IL20RA: variants seen among roughly 807,000 people sequenced by gnomAD.
IL20RA encodes interleukin 20 receptor subunit alpha, also known as interleukin-20 receptor subunit alpha.
IL20RA carries 29 observed loss-of-function variants against 36.5 expected under a neutral mutation model. The ratio of observed to expected loss-of-function variants is 0.79; its 90% CI spans 0.59 to 1.08. The LOEUF (loss-of-function observed/expected upper bound fraction) is 1.08. Ranked by LOEUF, IL20RA falls within the 50% of genes least tolerant of loss-of-function variation. IL20RA has a pLI of 0.00. For missense variants in IL20RA, 652 were observed against 668.4 expected (o/e 0.98, Z 0.27); for synonymous variants, 279 against 267.1 (o/e 1.04, Z -0.43).
chr6:137,004,563 T>C, intron 6 of IL20RA, 58 bp downstream of exon 6: 1 of 1,487,846 alleles, frequency 6.7e-7, no homozygotes. Flanking sequence ...AACCTCCTCT[T>C]CTGTCCTCCT....
chr6:137,042,355 T>A (rs1201284039), intron 1 of IL20RA, among the ~76,000 whole-genome samples: 1 of 152,210 alleles, frequency 6.6e-6, no homozygotes, highest in Non-Finnish European at 1.5e-5. Context: ...TGAAGGGCTT[T>A]GAGCAGAGGA....
chr6:137,005,564 G>A (rs1775249715), intron 5 of IL20RA, among the ~76,000 whole-genome samples: 1 of 152,140 alleles, frequency 6.6e-6, no homozygotes, highest in Admixed American at 6.5e-5. Flanking sequence ...AGTTGTGATG[G>A]TACATTTTAC....
At chr6:137,034,946 G>GAA (rs11309213) in intron 1 of IL20RA, among the ~76,000 whole-genome samples, 9 of 118,544 alleles carry the variant, frequency 7.6e-5, no homozygotes, top group African/African-American at 1.8e-4. Flanking sequence ...CTCCATCTCA[G>GAA]AAAAAAAAAA....
chr6:137,033,258 A>C (rs915795810), intron 1 of IL20RA, among the ~76,000 whole-genome samples: 2 of 152,102 alleles, frequency 1.3e-5, no homozygotes, highest in African/African-American at 2.4e-5. Context: ...CTTGGCCTTC[A>C]TGTGGTTTTT....
At chr6:137,040,174 A>T (rs779582707) in intron 1 of IL20RA, among the ~76,000 whole-genome samples, 19 of 152,174 alleles carry the variant, frequency 1.2e-4, no homozygotes, top group Non-Finnish European at 2.5e-4. Flanking sequence ...CTGTTAGACA[A>T]AGAGGCTGTA....
intron 1 of IL20RA, chr6:137,044,069 T>C (rs1306743979): frequency 1.0e-6 from 1 of 978,100 alleles, no homozygotes; most frequent in Non-Finnish European, 1.2e-6. Context: ...AACAACGGCG[T>C]ACCCAGGACA....
rs558037246 is a variant in IL20RA, at chr6:137,043,919, A to C, written c.88+722T>G. Among the ~76,000 whole-genome samples the C allele has an allele frequency of 8.5e-5, 13 of 152,354 alleles. No homozygotes were observed. The South Asian group carries it at 2.7e-3, about 32-fold the overall frequency. On this transcript the variant is annotated intron_variant, in intron 1 of 6. Coordinates refer to ENST00000316649, the MANE Select transcript of IL20RA (RefSeq NM_014432.4). ...GAATCATTCTGGTTTACTGGATTCC[A>C]ATTGGTAGAGAATTTAAACTTAAAA...
Position 137,008,598 on chromosome 6 carries a change from C to A in IL20RA, c.724+1G>T. ...ACCAGCAAAGATTTTTTAAAGCTTACCTTTCAAAGTCCTGGCACACTGCTT... is the reference window on the plus strand; with the variant it reads ...ACCAGCAAAGATTTTTTAAAGCTTAACTTTCAAAGTCCTGGCACACTGCTT... On this transcript the variant is annotated splice_donor_variant, in intron 5 of 6. Transcript: ENST00000316649. LOFTEE classifies it high-confidence loss of function. 2 of 1,583,822 alleles carry A rather than the reference C, an allele frequency of 1.3e-6. No individual in the cohort carries two copies. The highest frequency in any genetic ancestry group is 1.7e-6 in the Non-Finnish European group (2 of 1,166,284).
At chr6:137,040,615 C>T (rs941023341) in intron 1 of IL20RA, among the ~76,000 whole-genome samples, 1 of 152,150 alleles carries the variant, frequency 6.6e-6, no homozygotes, top group Non-Finnish European at 1.5e-5. Flanking sequence ...AAAGCTGGAA[C>T]AGCATGAGCA....
In IL20RA at chr6:137,001,705, C is replaced by T. The variant is rs1181990242; in HGVS notation, c.1515G>A (p.Glu505=). Residue 505 remains glutamate, a synonymous_variant, in exon 7 of 7, where the codon GAG becomes GAA. Coordinates refer to ENST00000316649, the MANE Select transcript of IL20RA (RefSeq NM_014432.4). ...CTCCGAGCCCATCCCCCTCAGAAGG[C>T]TCGCAGCCCTCTGAATCCTGGTCGA... ...SSFDQDSEGC[E]PSEGDGLGEE... The T allele has an allele frequency of 6.2e-7, 1 of 1,614,120 alleles. No individual in the cohort carries two copies. The highest frequency in any genetic ancestry group is 1.1e-5 in the South Asian group (1 of 91,078).
At chr6:137,012,581 G>A (rs2010614) in intron 2 of IL20RA, among the ~76,000 whole-genome samples, 130,299 of 152,122 alleles carry the variant, frequency 0.86, 59,324 homozygotes, top group East Asian at 1. Context: ...GGGAGGTAGG[G>A]ATTTTGGAGT....
intron 1 of IL20RA, among the ~76,000 whole-genome samples, chr6:137,036,162 C>T: frequency 6.6e-6 from 1 of 152,210 alleles, no homozygotes; most frequent in East Asian, 1.9e-4. Flanking sequence ...AGCTCTCACC[C>T]TTCTGCAAAA....
At position 137,011,446 on chromosome 6, in the gene IL20RA, C is replaced by T; in HGVS notation, c.231G>A (p.Gly77=). ...CTGATTTATTCAGCCATTTCTTTTG[C>T]CCATATCTGCTAAGAAAGAAGCTGA... ...VTYTVQYFIY[G]QKKWLNKSEC... Residue 77 remains glycine (G), a synonymous_variant, in exon 3 of 7, where the codon GGG becomes GGA. Coordinates refer to ENST00000316649, the MANE Select transcript of IL20RA (RefSeq NM_014432.4). 2.5e-6 allele frequency: 4 copies of T among 1,608,140 alleles called. No individual in the cohort carries two copies. Among genetic ancestry groups the T allele is most frequent in the Non-Finnish European group, 3.4e-6 (4 of 1,176,178 alleles).
chr6:137,001,288 C>G lies in IL20RA; in HGVS notation c.*270G>C. On this transcript the variant is annotated 3_prime_UTR_variant, in exon 7 of 7. Transcript: ENST00000316649. ...TACACCCACCTGAATAAATTCTGCA[C>G]CCAGTCTGGCAAACATTTATTGACT... 3.2e-6 allele frequency: 1 copy of G among 310,418 alleles called. No individual in the cohort carries two copies. Among genetic ancestry groups the G allele is most frequent in the Non-Finnish European group, 5.9e-6 (1 of 169,418 alleles). 19.2% of individuals were successfully genotyped at this position (310,418 alleles called of 1,614,324 possible).
At chr6:137,034,806 G>A (rs192129321) in intron 1 of IL20RA, among the ~76,000 whole-genome samples, 4,385 of 152,136 alleles carry the variant, frequency 0.029, 209 homozygotes, top group African/African-American at 0.1. Flanking sequence ...TGAGCCGGGC[G>A]TGGTGGCGGG....
intron 1 of IL20RA, among the ~76,000 whole-genome samples, chr6:137,039,985 T>C (rs374161065): frequency 4.1e-4 from 62 of 152,292 alleles, no homozygotes; most frequent in African/African-American, 1.4e-3. Flanking sequence ...CCAGGTAACT[T>C]TGGTCAATAG....
intron 1 of IL20RA, among the ~76,000 whole-genome samples, chr6:137,018,549 T>TGTGTG (rs1554213674): frequency 1.9e-4 from 29 of 148,962 alleles, no homozygotes; most frequent in African/African-American, 5.0e-4. Flanking sequence ...TGTGTGTGTG[T>TGTGTG]TAGGGGTAGG....
chr6:137,002,574 C>T (rs1281291056), intron 6 of IL20RA, among the ~76,000 whole-genome samples: 1 of 152,196 alleles, frequency 6.6e-6, no homozygotes, highest in Admixed American at 6.5e-5. Context: ...AAGTGATTCG[C>T]TGGGTGGGTA....
rs549044974 is a variant in IL20RA at position 137,004,062 on chromosome 6, T to C, written c.864+559A>G. ...TAGAAGGGCAGGGCAGGGATCATGA[T>C]TGAATTTATCTGTGGGACCTTGTAT... On this transcript the variant is annotated intron_variant, in intron 6 of 6. Transcript: ENST00000316649. Among the ~76,000 whole-genome samples the C allele has an allele frequency of 1.2e-4, 18 of 152,164 alleles. No homozygotes were observed. In the South Asian group the frequency reaches 2.1e-3, roughly 18 times the overall value.
Sources: allele counts gnomAD v4.1 joint callset (sites outside exome capture counted in the v4.1 genomes callset), GRCh38; gene constraint gnomAD v4.1.1; transcripts MANE v1.5; gene names NCBI Gene and HGNC (gene_info 2026-07-23, HGNC 2026-07-21).